The following TOP1 variants were observed in gnomAD, a reference collection of about 807,000 sequenced individuals.
TOP1 encodes the protein DNA topoisomerase 1.
In TOP1, 10 loss-of-function variants were observed where a neutral mutation model predicts 111.1. The ratio of observed to expected loss-of-function variants is 0.09; its 90% CI spans 0.06 to 0.15. The LOEUF (loss-of-function observed/expected upper bound fraction) is 0.15, where lower values mean the gene tolerates loss of function less well. TOP1 is among the 10% of genes least tolerant of loss of function. TOP1 has a pLI of 1.00. For synonymous variants in TOP1, 271 were observed against 302.9 expected (o/e 0.89, Z 1.10); for missense variants, 474 against 926.7 (o/e 0.51, Z 6.34).
chr20:41,043,999 G>A (rs1356013441), intron 2 of TOP1, among the ~76,000 whole-genome samples: 2 of 152,170 alleles, frequency 1.3e-5, no homozygotes, highest in African/African-American at 4.8e-5. Flanking sequence ...GTGCCCAGCC[G>A]GGCGTGGTGG....
chr20:41,069,904 A>G lies in TOP1; in HGVS notation c.156-6267A>G, dbSNP rs767487154. On this transcript the variant is annotated intron_variant, in intron 3 of 20. Coordinates refer to ENST00000361337, the MANE Select transcript of TOP1 (RefSeq NM_003286.4). This position sits in a 1 kb window ranked among gnomAD's most constrained non-coding sequence, Gnocchi z 4.1. ...AAGTAATGGTTAGAAAGAAAAACAT[A>G]AGCAAAACATAGAGGCATTGTAGTA... is the stretch of plus-strand genomic sequence containing the variant. 2.0e-5 allele frequency among the ~76,000 whole-genome samples: 3 copies of G among 152,228 alleles called. No homozygotes were observed. Among genetic ancestry groups the G allele is most frequent in the Non-Finnish European group, 4.4e-5 (3 of 68,040 alleles).
rs1402693179 is a variant in TOP1 at position 41,080,966 on chromosome 20, T to C, written c.432-199T>C. On this transcript the variant is annotated intron_variant, in intron 6 of 20. Transcript: ENST00000361337. This position sits in a 1 kb window ranked among gnomAD's most constrained non-coding sequence, Gnocchi z 5.0. Reference sequence around the variant, plus strand: ...GGTGTAAGTGGTTTGTTTTGTTCTATATAGGGCTATAACTATTACTCTTTG... The same window carrying C: ...GGTGTAAGTGGTTTGTTTTGTTCTACATAGGGCTATAACTATTACTCTTTG... Among the ~76,000 whole-genome samples, 1 of 152,200 alleles carries C rather than the reference T, an allele frequency of 6.6e-6. No homozygotes were observed. The highest frequency in any genetic ancestry group is 6.5e-5 in the Admixed American group (1 of 15,270).
At position 41,080,042 on chromosome 20, in the gene TOP1, C is replaced by A; in HGVS notation, c.336-43C>A. ...ATTCCTTCTTTGTATTAATAGAATA[C>A]AGATGTTCTAGCACTCTGACCAGCA... is the stretch of plus-strand genomic sequence containing the variant. On this transcript the variant is annotated intron_variant, in intron 5 of 20. Coordinates refer to ENST00000361337, the MANE Select transcript of TOP1 (RefSeq NM_003286.4). This position sits in a 1 kb window ranked among gnomAD's most constrained non-coding sequence, Gnocchi z 5.0. 8.8e-7 allele frequency: 1 copy of A among 1,134,410 alleles called. No homozygotes were observed. Among genetic ancestry groups the A allele is most frequent in the Non-Finnish European group, 1.3e-6 (1 of 755,010 alleles). 70.3% of individuals were successfully genotyped at this position (1,134,410 alleles called of 1,614,324 possible).
intron 13 of TOP1, among the ~76,000 whole-genome samples, chr20:41,105,016 T>A (rs375053118): frequency 1.3e-5 from 2 of 152,368 alleles, no homozygotes; most frequent in South Asian, 4.1e-4. Flanking sequence ...ACCATCTGGC[T>A]TTGTAAAATC....
chr20:41,090,924 G>A (rs2033912827), intron 8 of TOP1, among the ~76,000 whole-genome samples: 1 of 152,006 alleles, frequency 6.6e-6, no homozygotes, highest in Non-Finnish European at 1.5e-5. Flanking sequence ...TTATATTTTT[G>A]CTCTTATATT....
At chr20:41,088,924 A>G (rs1000213763) in intron 8 of TOP1, among the ~76,000 whole-genome samples, 2 of 150,276 alleles carry the variant, frequency 1.3e-5, no homozygotes, top group Admixed American at 1.3e-4. Flanking sequence ...GTACATTCAT[A>G]TTGTTGTGCA....
At chr20:41,088,772 GGTAGGT>G (rs1187928657) in intron 8 of TOP1, among the ~76,000 whole-genome samples, 1 of 151,998 alleles carries the variant, frequency 6.6e-6, no homozygotes, top group African/African-American at 2.4e-5. Flanking sequence ...CTGAAAAAGT[GGTAGGT>G]TAGTTATAGA....
Position 41,079,561 on chromosome 20 carries a change from ATGT to A in TOP1, c.336-520_336-518del, listed in dbSNP as rs967413711. 2.6e-5 allele frequency among the ~76,000 whole-genome samples: 4 copies of A among 152,184 alleles called. No individual in the cohort carries two copies. The highest frequency in any genetic ancestry group is 5.9e-5 in the Non-Finnish European group (4 of 68,030). ...TAACACGTGCCCTACTTTTGTTGTAATGTTGTCAGCTTGGTTATTTTTCCATGT... is the reference window on the plus strand; with the variant it reads ...TAACACGTGCCCTACTTTTGTTGTAATGTCAGCTTGGTTATTTTTCCATGT... On this transcript the variant is annotated intron_variant, in intron 5 of 20. Coordinates refer to ENST00000361337, the MANE Select transcript of TOP1 (RefSeq NM_003286.4). The surrounding 1 kb of genome is among the most constrained non-coding windows in gnomAD (Gnocchi z 4.0).
chr20:41,034,033 G>T lies in TOP1; in HGVS notation c.58+4578G>T, dbSNP rs937080342. ...ATAGTAAAATATATTGGATGTGGAG[G>T]TGAGAGTCAGTTGAGTGAATTTTCT... is the stretch of plus-strand genomic sequence containing the variant. On this transcript the variant is annotated intron_variant, in intron 2 of 20. Transcript: ENST00000361337. The surrounding 1 kb of genome is among the most constrained non-coding windows in gnomAD (Gnocchi z 4.0). Among the ~76,000 whole-genome samples the T allele has an allele frequency of 6.6e-6, 1 of 152,120 alleles. No individual in the cohort carries two copies. Among genetic ancestry groups the T allele is most frequent in the Admixed American group, 6.5e-5 (1 of 15,276 alleles).
intron 2 of TOP1, among the ~76,000 whole-genome samples, chr20:41,031,332 A>T (rs758983315): frequency 5.3e-5 from 8 of 152,134 alleles, no homozygotes; most frequent in Non-Finnish European, 8.8e-5. Flanking sequence ...TTAATATGGA[A>T]TGTGTTCTTT....
intron 2 of TOP1, among the ~76,000 whole-genome samples, chr20:41,033,500 T>G (rs1265419834): frequency 6.6e-6 from 1 of 152,152 alleles, no homozygotes; most frequent in African/African-American, 2.4e-5. Flanking sequence ...AATTGGGCTG[T>G]GAGGTTTTTT....
Position 41,097,365 on chromosome 20 carries a change from TCCTAGTA to T in TOP1, c.852+28_852+34del. The T allele has an allele frequency of 6.3e-7, 1 of 1,576,744 alleles. No individual in the cohort carries two copies. Among genetic ancestry groups the T allele is most frequent in the Non-Finnish European group, 8.6e-7 (1 of 1,165,508 alleles). ...AGGTACTGTAGCCCATGTGTTAATA[TCCTAGTA>T]CCTTGCAAAACAATCAAGTACTAAG... is the stretch of plus-strand genomic sequence containing the variant. On this transcript the variant is annotated intron_variant, in intron 10 of 20. Coordinates refer to ENST00000361337, the MANE Select transcript of TOP1 (RefSeq NM_003286.4). The surrounding 1 kb of genome is among the most constrained non-coding windows in gnomAD (Gnocchi z 4.2).
Position 41,123,323 on chromosome 20 carries a change from G to T in TOP1, c.*26G>T. 1 of 1,542,594 alleles carries T rather than the reference G, an allele frequency of 6.5e-7. No homozygotes were observed. The highest frequency in any genetic ancestry group is 9.0e-7 in the Non-Finnish European group (1 of 1,115,408). ...CCAGTCTCAAGAGGCAGAGTTCTGT[G>T]AAGAGGAACAGTGTGGTTTGGGAAA... On this transcript the variant is annotated 3_prime_UTR_variant, in exon 21 of 21. Transcript: ENST00000361337. This position sits in a 1 kb window ranked among gnomAD's most constrained non-coding sequence, Gnocchi z 5.8.
chr20:41,058,005 C>G lies in TOP1; in HGVS notation c.59-3389C>G, dbSNP rs1041224224. ...ACTTAGCATTTTAAAATTATAGACT[C>G]GAGGTTTTTAGAAGAAGCTGAAGGG... On this transcript the variant is annotated intron_variant, in intron 2 of 20. Transcript: ENST00000361337. This position sits in a 1 kb window ranked among gnomAD's most constrained non-coding sequence, Gnocchi z 4.2. Among the ~76,000 whole-genome samples the G allele has an allele frequency of 7.9e-5, 12 of 152,118 alleles. No individual in the cohort carries two copies. Among genetic ancestry groups the G allele is most frequent in the Admixed American group, 7.2e-4 (11 of 15,274 alleles).
chr20:41,122,208 G>T lies in TOP1; in HGVS notation c.2195+53G>T, dbSNP rs1268496960. 3 of 1,594,516 alleles carry T rather than the reference G, an allele frequency of 1.9e-6. No homozygotes were observed. The highest frequency in any genetic ancestry group is 1.7e-6 in the Non-Finnish European group (2 of 1,166,014). On this transcript the variant is annotated intron_variant, in intron 20 of 20. Transcript: ENST00000361337. This position sits in a 1 kb window ranked among gnomAD's most constrained non-coding sequence, Gnocchi z 5.4. The stretch of plus-strand genomic sequence containing the variant: ...TGCTGCTAGCTTAAGAAAGGTGGAG[G>T]GGGTTCCGAGAGCACTGGTGGCCTT...
At chr20:41,041,788 T>C (rs2033268584) in intron 2 of TOP1, among the ~76,000 whole-genome samples, 1 of 152,232 alleles carries the variant, frequency 6.6e-6, no homozygotes, top group Admixed American at 6.5e-5. Flanking sequence ...TTTGGAGAAG[T>C]TGATCTATCT....
intron 2 of TOP1, among the ~76,000 whole-genome samples, chr20:41,059,389 TAACTCTGCA>T (rs1203935208): frequency 6.7e-6 from 1 of 149,616 alleles, no homozygotes; most frequent in Non-Finnish European, 1.5e-5. Flanking sequence ...CACTGGCCCT[TAACTCTGCA>T]AAACTGCTAG....
rs1568708557 is a variant in TOP1 at position 41,118,375 on chromosome 20, T to C, written c.1950+79T>C. ...AATGAGAGGATTCAGGGCTGAGATA[T>C]CAGCAGGCCAGTGCTGGGTCTGTTG... is the stretch of plus-strand genomic sequence containing the variant. On this transcript the variant is annotated intron_variant, in intron 18 of 20. Transcript: ENST00000361337. The surrounding 1 kb of genome is among the most constrained non-coding windows in gnomAD (Gnocchi z 4.6). 3.9e-6 allele frequency: 6 copies of C among 1,557,622 alleles called. No individual in the cohort carries two copies. The East Asian group carries it at 6.8e-5, about 18-fold the overall frequency.
chr20:41,061,533 G>C lies in TOP1; in HGVS notation c.155+43G>C. 1 of 1,522,764 alleles carries C rather than the reference G, an allele frequency of 6.6e-7. No individual in the cohort carries two copies. Among genetic ancestry groups the C allele is most frequent in the Non-Finnish European group, 8.9e-7 (1 of 1,119,384 alleles). The allele number at this position is 1,522,764 out of a possible 1,614,324, so 94.3% of individuals were successfully genotyped here. A position where few individuals can be genotyped will look rare whatever the true frequency, so the allele number is the denominator to read the frequency against. On this transcript the variant is annotated intron_variant, in intron 3 of 20. Transcript: ENST00000361337. This position sits in a 1 kb window ranked among gnomAD's most constrained non-coding sequence, Gnocchi z 4.6. ...CAAGTCCCTCATCATTCAGCAGTGG[G>C]TTGGCCATTGCTTGGCTTACCTGGA...
Sources: allele counts gnomAD v4.1 joint callset (sites outside exome capture counted in the v4.1 genomes callset), GRCh38; gene constraint gnomAD v4.1.1; non-coding constraint Gnocchi (gnomAD v3.1); transcripts MANE v1.5; gene names NCBI Gene and HGNC (gene_info 2026-07-23, HGNC 2026-07-21).